The following HECTD4 variants were observed in gnomAD, a reference collection of about 807,000 sequenced individuals.
HECTD4 encodes HECT domain E3 ubiquitin protein ligase 4.
HECTD4 carries 114 observed loss-of-function variants against 471.5 expected under a neutral mutation model. The observed-to-expected ratio is 0.24, with a 90% CI of 0.21 to 0.28. The LOEUF (loss-of-function observed/expected upper bound fraction) is 0.28, where lower values mean the gene tolerates loss of function less well. Ranked by LOEUF, HECTD4 falls within the 10% of genes least tolerant of loss-of-function variation. The pLI, the probability that HECTD4 is intolerant of heterozygous loss-of-function variation, is 1.00. For synonymous variants in HECTD4, 2,012 were observed against 2,256.0 expected (o/e 0.89, Z 3.07); for missense variants, 3,866 against 5,651.5 (o/e 0.68, Z 10.13).
chr12:112,311,256 C>A (rs2035364218), intron 4 of HECTD4, among the ~76,000 whole-genome samples: 1 of 149,932 alleles, frequency 6.7e-6, no homozygotes, highest in Admixed American at 6.6e-5. Flanking sequence ...GAGCGAAGCT[C>A]TGTCTCAAAA....
In HECTD4 at chr12:112,192,617, T is replaced by C. The variant is rs554909250; in HGVS notation, c.9235A>G (p.Thr3079Ala). The change falls in exon 59 of 76, where the codon ACC becomes GCC. Residue 3079 changes from threonine (T) to alanine (A), a missense_variant. Around this residue, in one of 16 missense-constraint regions of HECTD4, gnomAD observed 364 missense variants for 413.2 expected, o/e 0.88. Coordinates refer to ENST00000682272, the MANE Select transcript of HECTD4 (RefSeq NM_001388303.1). ...ACCACAGAGGGGTACTGGTCAGCGG[T>C]GGGGGGAGGTGCAAGCCCAGTGTTG... ...PANTGLAPPP[T>A]ADQYPSVVLS... is the part of the protein sequence containing the mutation. 90 of 1,608,988 alleles carry C rather than the reference T, an allele frequency of 5.6e-5. No individual in the cohort carries two copies. In the East Asian group the frequency reaches 1.9e-3, roughly 33 times the overall value.
rs946444712 is a variant in HECTD4 at position 112,173,524 on chromosome 12, G to C, written c.11595-663C>G. ...TCTGCCTCAGCCTCCTGACTAGCTAGGACTACAGGCGCCTGCCACCACACC... is the reference window on the plus strand; with the variant it reads ...TCTGCCTCAGCCTCCTGACTAGCTACGACTACAGGCGCCTGCCACCACACC... On this transcript the variant is annotated intron_variant, in intron 66 of 75. Transcript: ENST00000682272. This position sits in a 1 kb window ranked among gnomAD's most constrained non-coding sequence, Gnocchi z 4.3. 2.6e-5 allele frequency among the ~76,000 whole-genome samples: 4 copies of C among 151,856 alleles called. No individual in the cohort carries two copies. The highest frequency in any genetic ancestry group is 1.3e-4 in the Admixed American group (2 of 15,228).
At chr12:112,329,552 G>C (rs1056084566) in intron 1 of HECTD4, among the ~76,000 whole-genome samples, 1 of 151,994 alleles carries the variant, frequency 6.6e-6, no homozygotes, top group Non-Finnish European at 1.5e-5. Flanking sequence ...ATTTTTGGTA[G>C]AGACAGGGTT....
intron 48 of HECTD4, among the ~76,000 whole-genome samples, chr12:112,214,605 C>T (rs1259484580): frequency 6.6e-6 from 1 of 152,112 alleles, no homozygotes; most frequent in South Asian, 2.1e-4. Context: ...TCTGTGTGCC[C>T]GTAGTCCAGT....
chr12:112,256,574 T>C (rs1299062161), intron 20 of HECTD4, 56 bp from the exon 21 acceptor site: 11 of 1,260,230 alleles, frequency 8.7e-6, no homozygotes, highest in African/African-American at 6.1e-5. Flanking sequence ...GGAAAAACAA[T>C]GTAAACATTA....
In HECTD4 at chr12:112,229,835, C is replaced by A. The variant is rs772403031; in HGVS notation, c.6382G>T (p.Ala2128Ser). The A allele has an allele frequency of 6.2e-7, 1 of 1,613,992 alleles. No homozygotes were observed. Among genetic ancestry groups the A allele is most frequent in the Non-Finnish European group, 8.5e-7 (1 of 1,179,882 alleles). ...LMYIPQLGKY[A>S]ESILENGSSS... The stretch of plus-strand genomic sequence containing the variant: ...CTGCCATTTTCCAGAATGCTTTCTG[C>A]GTATTTCCCCAATTGTGGAATGTAC... The change falls in exon 41 of 76, where the codon GCA (alanine) becomes TCA (serine). Residue 2128 changes from alanine (A) to serine (S), a missense_variant. Transcript: ENST00000682272.
In HECTD4 at chr12:112,208,512, G is replaced by A. The variant is rs1305039737; in HGVS notation, c.7986C>T (p.Asp2662=). ...CTCTTACCTGAGGGATGTCATCATC[G>A]TCATCATCATCGCTTTCATCATCTG... is the stretch of plus-strand genomic sequence containing the variant. ...PIADDESDDD[D]DDDIPQEDHY... is the part of the protein sequence containing the mutation. Residue 2662 remains aspartate (D), a synonymous_variant, in exon 51 of 76, where the codon GAC becomes GAT. Coordinates refer to ENST00000682272, the MANE Select transcript of HECTD4 (RefSeq NM_001388303.1). 3.1e-6 allele frequency: 5 copies of A among 1,596,054 alleles called. No individual in the cohort carries two copies. The highest frequency in any genetic ancestry group is 1.7e-4 in the Middle Eastern group (1 of 5,982).
intron 17 of HECTD4, among the ~76,000 whole-genome samples, chr12:112,263,675 A>G (rs2034198065): frequency 6.6e-6 from 1 of 151,414 alleles, no homozygotes; most frequent in Non-Finnish European, 1.5e-5. Flanking sequence ...AACCATCTAA[A>G]ATTTTGAAAT....
At chr12:112,219,928 C>T (rs889945932) in intron 44 of HECTD4, among the ~76,000 whole-genome samples, 1 of 152,130 alleles carries the variant, frequency 6.6e-6, no homozygotes, top group South Asian at 2.1e-4. Flanking sequence ...ACAAATACCC[C>T]GAGACATCTT....
intron 18 of HECTD4, among the ~76,000 whole-genome samples, chr12:112,260,347 G>A (rs2034115140): frequency 6.6e-6 from 1 of 152,124 alleles, no homozygotes; most frequent in African/African-American, 2.4e-5. Flanking sequence ...TCTCCCATTA[G>A]ACAGAACTAC....
chr12:112,269,108 C>T (rs943604733), intron 13 of HECTD4, among the ~76,000 whole-genome samples: 4 of 151,716 alleles, frequency 2.6e-5, no homozygotes, highest in Admixed American at 6.6e-5. Flanking sequence ...CTCCTGACCT[C>T]GTGATCCGCC....
chr12:112,199,518 A>G (rs1447425314), intron 55 of HECTD4, among the ~76,000 whole-genome samples: 1 of 152,228 alleles, frequency 6.6e-6, no homozygotes, highest in Non-Finnish European at 1.5e-5. Context: ...CTAATGGATG[A>G]ACAGCATGAA....
Position 112,319,153 on chromosome 12 carries a change from CTCT to C in HECTD4, c.695+69_695+71del. ...AAGACTTCTATCAAATATACTTGGC[CTCT>C]TCTTCATTCACCCAACCCAGGTGGC... On this transcript the variant is annotated intron_variant, in intron 2 of 75. Coordinates refer to ENST00000682272, the MANE Select transcript of HECTD4 (RefSeq NM_001388303.1). This position sits in a 1 kb window ranked among gnomAD's most constrained non-coding sequence, Gnocchi z 5.3. The C allele has an allele frequency of 7.1e-7, 1 of 1,417,174 alleles. No individual in the cohort carries two copies. The highest frequency in any genetic ancestry group is 9.5e-7 in the Non-Finnish European group (1 of 1,053,938). 87.8% of individuals were successfully genotyped at this position (1,417,174 alleles called of 1,614,324 possible). A position where few individuals can be genotyped will look rare whatever the true frequency, so the allele number is the denominator to read the frequency against.
intron 11 of HECTD4, among the ~76,000 whole-genome samples, chr12:112,271,565 G>A (rs1296609865): frequency 6.6e-6 from 1 of 152,150 alleles, no homozygotes; most frequent in African/African-American, 2.4e-5. Flanking sequence ...GAAAGCATCA[G>A]ATGAACCCAC....
At chr12:112,366,352 A>AT (rs1292803777) in intron 1 of HECTD4, among the ~76,000 whole-genome samples, 1 of 151,718 alleles carries the variant, frequency 6.6e-6, no homozygotes, top group Non-Finnish European at 1.5e-5. Context: ...CTACAAAAAA[A>AT]TTTTTTTTAA....
intron 22 of HECTD4, 21 bp downstream of exon 22, chr12:112,254,022 G>T: frequency 6.2e-7 from 1 of 1,613,026 alleles, no homozygotes; most frequent in Non-Finnish European, 8.5e-7. Context: ...TCTAGGAAGC[G>T]ATTATGACTG....
chr12:112,310,954 T>C (rs1332023970), intron 4 of HECTD4, among the ~76,000 whole-genome samples: 2 of 152,176 alleles, frequency 1.3e-5, no homozygotes, highest in Non-Finnish European at 2.9e-5. Flanking sequence ...AAATGTGGAA[T>C]GTTTCAATAT....
chr12:112,256,304 C>A lies in HECTD4; in HGVS notation c.3327+16G>T. 6.5e-7 allele frequency: 1 copy of A among 1,538,354 alleles called. No individual in the cohort carries two copies. Among genetic ancestry groups the A allele is most frequent in the Non-Finnish European group, 8.8e-7 (1 of 1,141,966 alleles). ...TTACTCGAGGTGGAACCAATAGTAA[C>A]CCAGTTCTTACTTACTTTGTCATAG... On this transcript the variant is annotated intron_variant, in intron 21 of 75. Coordinates refer to ENST00000682272, the MANE Select transcript of HECTD4 (RefSeq NM_001388303.1).
chr12:112,344,738 G>GTGAAACCCCGTCTC (rs1177864735), intron 1 of HECTD4, among the ~76,000 whole-genome samples: 1 of 152,070 alleles, frequency 6.6e-6, no homozygotes, highest in Non-Finnish European at 1.5e-5. Context: ...GACCAACATG[G>GTGAAACCCCGTCTC]TGAAACCCCG....
Sources: gnomAD v4.1 joint callset for allele counts (sites outside exome capture counted in the v4.1 genomes callset) on GRCh38, gnomAD v4.1.1 for gene constraint, gnomAD v4.1.1 regional missense constraint, Gnocchi (gnomAD v3.1) non-coding constraint, MANE v1.5 for transcripts, NCBI Gene and HGNC (gene_info 2026-07-23, HGNC 2026-07-21) for gene names.